POLE4: variants seen among roughly 807,000 people sequenced by gnomAD.
The protein encoded by POLE4 is DNA polymerase epsilon 4, accessory subunit.
POLE4 carries 15 observed loss-of-function variants against 15.6 expected under a neutral mutation model. The observed-to-expected ratio is 0.96, with a 90% CI of 0.64 to 1.48. POLE4 has a LOEUF of 1.48. POLE4 is among the 40% of genes most tolerant of loss of function. The probability of loss-of-function intolerance (pLI) is 0.00; values close to 1 mark genes in which losing one functional copy is unlikely to be tolerated. For synonymous variants in POLE4, 83 were observed against 63.2 expected (o/e 1.31, Z -1.49); for missense variants, 205 against 151.9 (o/e 1.35, Z -1.84).
Position 74,967,934 on chromosome 2 carries a change from C to T in POLE4, c.341-1475C>T, listed in dbSNP as rs570464782. On this transcript the variant is annotated intron_variant, in intron 3 of 3. Transcript: ENST00000483063. The stretch of plus-strand genomic sequence containing the variant: ...GTTCGTCCTTACTCTGAGGGGGCAG[C>T]CTTTTGGGCTCTAGCTTAAGAAAGA... 3.9e-4 allele frequency among the ~76,000 whole-genome samples: 59 copies of T among 152,316 alleles called. No individual in the cohort carries two copies. The East Asian group carries it at 4.6e-3, about 12-fold the overall frequency.
At position 74,969,483 on chromosome 2, in the gene POLE4, A is replaced by G; in HGVS notation, c.*61A>G. ...AAGCCTTCAGTTCACCCCTCTGCAC[A>G]GGCCTCAGCTTTGAAGAACGGAGTC... On this transcript the variant is annotated 3_prime_UTR_variant, in exon 4 of 4. Transcript: ENST00000483063. 1.3e-6 allele frequency: 2 copies of G among 1,512,286 alleles called. No individual in the cohort carries two copies. The highest frequency in any genetic ancestry group is 1.8e-6 in the Non-Finnish European group (2 of 1,087,018). The allele number at this position is 1,512,286 out of a possible 1,614,324, so 93.7% of individuals were successfully genotyped here.
rs552950455 is a variant in POLE4 at position 74,968,432 on chromosome 2, A to C, written c.341-977A>C. Among the ~76,000 whole-genome samples, 12 of 151,684 alleles carry C rather than the reference A, an allele frequency of 7.9e-5. 1 individual carries two copies. Among genetic ancestry groups the C allele is most frequent in the African/African-American group, 2.9e-4 (12 of 41,162 alleles). On this transcript the variant is annotated intron_variant, in intron 3 of 3. Transcript: ENST00000483063. ...CTGTTTGGTAACTGTGTGTGTGTGT[A>C]TGGGATGAGGGGGTGGTTGTTGCCT...
intron 2 of POLE4, 166 bp downstream of exon 2, chr2:74,959,591 T>A (rs941008650): frequency 5.2e-6 from 3 of 575,278 alleles, no homozygotes; most frequent in Non-Finnish European, 9.4e-6. Flanking sequence ...GTAGAGGCTG[T>A]CTGCTTGGGG....
rs1671344161 is a variant in POLE4, at chr2:74,969,671, T to C, written c.*249T>C. The C allele has an allele frequency of 1.8e-6, 1 of 548,248 alleles. No homozygotes were observed. Among genetic ancestry groups the C allele is most frequent in the Non-Finnish European group, 3.3e-6 (1 of 304,648 alleles). 34.0% of individuals were successfully genotyped at this position (548,248 alleles called of 1,614,324 possible). On this transcript the variant is annotated 3_prime_UTR_variant, in exon 4 of 4. Transcript: ENST00000483063. ...CTGCTTAGAGCAGAGATGAAGAAAG[T>C]GTTCTGCATAAGTGGCTTCCTGAAT...
chr2:74,960,455 GC>G (rs1053708782), intron 3 of POLE4: 7 of 471,190 alleles, frequency 1.5e-5, no homozygotes, highest in East Asian at 4.5e-5. Context: ...TGTCAGGCTT[GC>G]CCCCCCTCAT....
intron 1 of POLE4, 58 bp from the exon 2 acceptor site, chr2:74,959,283 C>T: frequency 8.9e-7 from 1 of 1,122,914 alleles, no homozygotes. Flanking sequence ...AAACCGGAGC[C>T]CTCACCTCCT....
At position 74,958,679 on chromosome 2, in the gene POLE4, G is replaced by A. The variant is rs1333632139; in HGVS notation, c.-1G>A. ...CCGCGCGCAGCACGCTCAAGGCCGGGATGGCGGCGGCGGCGGCGGCAGGAA... is the reference window on the plus strand; with the variant it reads ...CCGCGCGCAGCACGCTCAAGGCCGGAATGGCGGCGGCGGCGGCGGCAGGAA... On this transcript the variant is annotated 5_prime_UTR_variant, in exon 1 of 4. Coordinates refer to ENST00000483063, the MANE Select transcript of POLE4 (RefSeq NM_019896.4). The A allele has an allele frequency of 1.4e-6, 2 of 1,458,816 alleles. No homozygotes were observed. The highest frequency in any genetic ancestry group is 9.0e-7 in the Non-Finnish European group (1 of 1,111,456). 90.4% of individuals were successfully genotyped at this position (1,458,816 alleles called of 1,614,324 possible).
intron 3 of POLE4, 25 bp downstream of exon 3, chr2:74,960,171 C>G (rs749830304): frequency 1.3e-6 from 2 of 1,587,646 alleles, no homozygotes; most frequent in Non-Finnish European, 1.7e-6. Flanking sequence ...AGTGGGCAAT[C>G]ATTTCCGCCT....
intron 3 of POLE4, among the ~76,000 whole-genome samples, chr2:74,967,157 A>C (rs563451633): frequency 6.6e-6 from 1 of 152,102 alleles, no homozygotes; most frequent in South Asian, 2.1e-4. Flanking sequence ...CTCTTCAGCT[A>C]TTGGCTCTGC....
intron 3 of POLE4, among the ~76,000 whole-genome samples, chr2:74,968,246 A>AT (rs1010708445): frequency 1.1e-4 from 17 of 149,172 alleles, no homozygotes; most frequent in African/African-American, 2.5e-4. Context: ...AAGCACCTCT[A>AT]TTTTTTTTTA....
In POLE4 at chr2:74,958,681, T is replaced by TGGCGGCGGC. The variant is rs528770146; in HGVS notation, c.12_20dup (p.Ala5_Ala7dup). 33 of 1,457,400 alleles carry TGGCGGCGGC rather than the reference T, an allele frequency of 2.3e-5. No homozygotes were observed. The highest frequency in any genetic ancestry group is 2.0e-4 in the Middle Eastern group (1 of 4,896). The allele number at this position is 1,457,400 out of a possible 1,614,324, so 90.3% of individuals were successfully genotyped here. ...GCGCGCAGCACGCTCAAGGCCGGGA[T>TGGCGGCGGC]GGCGGCGGCGGCGGCGGCAGGAAGC... On this transcript the variant is annotated inframe_insertion, in exon 1 of 4. Coordinates refer to ENST00000483063, the MANE Select transcript of POLE4 (RefSeq NM_019896.4).
chr2:74,969,725 C>T lies in POLE4; in HGVS notation c.*303C>T, dbSNP rs1212274457. On this transcript the variant is annotated 3_prime_UTR_variant, in exon 4 of 4. Coordinates refer to ENST00000483063, the MANE Select transcript of POLE4 (RefSeq NM_019896.4). Reference sequence around the variant, plus strand: ...GAGGACCAGAATAAAGGTTTTTGATCAACCTCAGTCCAGTGTGTTTTATAA... The same window carrying T: ...GAGGACCAGAATAAAGGTTTTTGATTAACCTCAGTCCAGTGTGTTTTATAA... The T allele has an allele frequency of 3.0e-5, 13 of 429,168 alleles. No homozygotes were observed. Among genetic ancestry groups the T allele is most frequent in the Non-Finnish European group, 4.7e-5 (11 of 233,480 alleles). The allele number at this position is 429,168 out of a possible 1,614,324, so 26.6% of individuals were successfully genotyped here.
In POLE4 at chr2:74,958,739, G is replaced by A; in HGVS notation, c.60G>A (p.Gly20=). Residue 20 remains glycine, a synonymous_variant, in exon 1 of 4, where the codon GGG becomes GGA. Coordinates refer to ENST00000483063, the MANE Select transcript of POLE4 (RefSeq NM_019896.4). Reference sequence around the variant, plus strand: ...CCCGAGAGGAGGAGGGACCTGCTGGGGAGGCAGCGGCCTCGCAGCCCCAGG... The same window carrying A: ...CCCGAGAGGAGGAGGGACCTGCTGGAGAGGCAGCGGCCTCGCAGCCCCAGG... ...GTPREEEGPA[G]EAAASQPQAP... 1 of 1,529,196 alleles carries A rather than the reference G, an allele frequency of 6.5e-7. No individual in the cohort carries two copies. Among genetic ancestry groups the A allele is most frequent in the Non-Finnish European group, 8.8e-7 (1 of 1,138,462 alleles). The allele number at this position is 1,529,196 out of a possible 1,614,324, so 94.7% of individuals were successfully genotyped here. A position where few individuals can be genotyped will look rare whatever the true frequency, so the allele number is the denominator to read the frequency against.
intron 3 of POLE4, among the ~76,000 whole-genome samples, chr2:74,961,839 G>A (rs866511834): frequency 6.6e-6 from 1 of 152,184 alleles, no homozygotes; most frequent in Admixed American, 6.5e-5. Flanking sequence ...TGTGGATTCA[G>A]TCTGCATTAT....
At chr2:74,960,377 A>C (rs1303670904) in intron 3 of POLE4, 1 of 582,264 alleles carries the variant, frequency 1.7e-6, no homozygotes, top group African/African-American at 1.9e-5. Flanking sequence ...ATAGGAGGGA[A>C]TATAAAGATC....
chr2:74,959,323 T>C lies in POLE4; in HGVS notation c.214-18T>C, dbSNP rs766863080. The C allele has an allele frequency of 4.4e-6, 7 of 1,585,682 alleles. No individual in the cohort carries two copies. Among genetic ancestry groups the C allele is most frequent in the Non-Finnish European group, 6.1e-6 (7 of 1,154,974 alleles). On this transcript the variant is annotated intron_variant, in intron 1 of 3. Transcript: ENST00000483063. ...GTGTTAGAACCCATTACTAAAACTT[T>C]GCTTTTTTACTTCACAGGAACTGTT...
At chr2:74,965,478 A>C (rs1223052755) in intron 3 of POLE4, among the ~76,000 whole-genome samples, 1 of 152,214 alleles carries the variant, frequency 6.6e-6, no homozygotes, top group African/African-American at 2.4e-5. Flanking sequence ...GATGGAATTC[A>C]GTGATGCTGT....
chr2:74,960,660 T>G (rs1388002953), intron 3 of POLE4: 2 of 455,522 alleles, frequency 4.4e-6, no homozygotes, highest in Non-Finnish European at 8.8e-6. Flanking sequence ...ATACCTAATT[T>G]TAGCTACCTA....
chr2:74,969,360 TCCA>T (rs770132353), intron 3 of POLE4, 46 bp from the exon 4 acceptor site: 1 of 1,591,258 alleles, frequency 6.3e-7, no homozygotes, highest in South Asian at 1.1e-5. Flanking sequence ...GTTACACTAA[TCCA>T]GCTTCTGAGG....
Sources: gnomAD v4.1 joint callset for allele counts (sites outside exome capture counted in the v4.1 genomes callset) on GRCh38, gnomAD v4.1.1 for gene constraint, MANE v1.5 for transcripts, NCBI Gene and HGNC (gene_info 2026-07-23, HGNC 2026-07-21) for gene names.